RBFOX1: variants seen among roughly 807,000 people sequenced by gnomAD.
The protein encoded by RBFOX1 is RNA binding protein fox-1 homolog 1.
RBFOX1 carries 8 observed loss-of-function variants against 57.7 expected under a neutral mutation model. The observed-to-expected ratio is 0.14, with a 90% CI of 0.08 to 0.25. The LOEUF is 0.25. Ranked by LOEUF, RBFOX1 falls within the 10% of genes least tolerant of loss-of-function variation. The pLI is 1.00. For missense variants in RBFOX1, 611 were observed against 548.5 expected (o/e 1.11, Z -1.14); for synonymous variants, 326 against 222.4 (o/e 1.47, Z -4.15).
chr16:6,700,366 A>AG (rs1421573752), intron 3 of RBFOX1, among the ~76,000 whole-genome samples: 1 of 106,966 alleles, frequency 9.3e-6, no homozygotes, highest in African/African-American at 2.7e-5. Flanking sequence ...ACAAAAAAAA[A>AG]AAGAATTTTG....
chr16:5,780,359 C>G (rs557586121), intron 3 of RBFOX1, among the ~76,000 whole-genome samples: 2 of 152,054 alleles, frequency 1.3e-5, no homozygotes, highest in African/African-American at 2.4e-5. Context: ...CTTCTGGGTA[C>G]AGGAAAGGAT....
chr16:6,796,462 C>A (rs145967614), intron 3 of RBFOX1, among the ~76,000 whole-genome samples: 1 of 152,174 alleles, frequency 6.6e-6, no homozygotes, highest in Non-Finnish European at 1.5e-5. Context: ...GCCAAATCAA[C>A]ACTCTTCCAC....
chr16:7,093,643 C>G (rs2061229568), intron 4 of RBFOX1, among the ~76,000 whole-genome samples: 2 of 152,164 alleles, frequency 1.3e-5, no homozygotes. Flanking sequence ...TCATTTGTGA[C>G]TTACATCTTC....
chr16:6,285,764 G>C (rs114502945), intron 1 of RBFOX1, among the ~76,000 whole-genome samples: 2 of 152,138 alleles, frequency 1.3e-5, no homozygotes, highest in African/African-American at 4.8e-5. Flanking sequence ...ATTGTAGGTA[G>C]ACTCTGTTTC....
At position 6,488,192 on chromosome 16, in the gene RBFOX1, G is replaced by A. The variant is rs994281378; in HGVS notation, c.-63-166411G>A. Among the ~76,000 whole-genome samples, 5 of 152,160 alleles carry A rather than the reference G, an allele frequency of 3.3e-5. No homozygotes were observed. In the South Asian group the frequency reaches 1.0e-3, roughly 32 times the overall value. ...TTCCTTTGCTCTTCATGGTAATTCT[G>A]CATCTGCATTTGCCACAGTACTGTG... is the stretch of plus-strand genomic sequence containing the variant. On this transcript the variant is annotated intron_variant, in intron 2 of 15. Transcript: ENST00000550418.
At chr16:5,471,061 T>A (rs2069118117) in intron 2 of RBFOX1, among the ~76,000 whole-genome samples, 1 of 152,098 alleles carries the variant, frequency 6.6e-6, no homozygotes, top group Admixed American at 6.6e-5. Context: ...CTCAAACTCC[T>A]GACCTCAGGT....
At chr16:6,014,181 A>C (rs191298493), upstream of RBFOX1, among the ~76,000 whole-genome samples, 1 of 152,338 alleles carries the variant, frequency 6.6e-6, no homozygotes, top group African/African-American at 2.4e-5. Flanking sequence ...GAGATGATAC[A>C]ATCAAAGAGC....
intron 4 of RBFOX1, among the ~76,000 whole-genome samples, chr16:5,901,237 C>G (rs539059267): frequency 2.0e-5 from 3 of 152,302 alleles, no homozygotes; most frequent in South Asian, 2.1e-4. Context: ...TCCTCATCCC[C>G]CGTTCACGCG....
intron 1 of RBFOX1, among the ~76,000 whole-genome samples, chr16:6,029,893 C>G (rs1046528908): frequency 6.6e-6 from 1 of 151,732 alleles, no homozygotes; most frequent in East Asian, 1.9e-4. Context: ...ATTCAACTCT[C>G]TAATGTTATT....
intron 2 of RBFOX1, among the ~76,000 whole-genome samples, chr16:6,551,122 A>G (rs997682259): frequency 3.3e-5 from 5 of 152,054 alleles, no homozygotes; most frequent in Admixed American, 2.0e-4. Context: ...ACAGAGCTCA[A>G]CTCTCTGAGA....
intron 4 of RBFOX1, among the ~76,000 whole-genome samples, chr16:7,078,491 G>A (rs1400647227): frequency 1.3e-5 from 2 of 148,544 alleles, no homozygotes. Flanking sequence ...GGGATTATAG[G>A]TGCCTGCCAT....
At chr16:7,185,945 C>T (rs559836498) in intron 4 of RBFOX1, among the ~76,000 whole-genome samples, 4 of 152,272 alleles carry the variant, frequency 2.6e-5, no homozygotes, top group South Asian at 4.1e-4. Flanking sequence ...CCTTTCTCCC[C>T]GTCCTCTGAA....
intron 1 of RBFOX1, among the ~76,000 whole-genome samples, chr16:6,183,583 G>A (rs1001363411): frequency 2.0e-5 from 3 of 152,228 alleles, no homozygotes; most frequent in East Asian, 1.9e-4. Flanking sequence ...ATATGAGAGA[G>A]GGGTCTGGGA....
intron 4 of RBFOX1, among the ~76,000 whole-genome samples, chr16:7,057,505 T>C (rs2052721298): frequency 6.6e-6 from 1 of 152,166 alleles, no homozygotes; most frequent in African/African-American, 2.4e-5. Flanking sequence ...GTTGCATCGC[T>C]TTCCACCGGT....
In RBFOX1 at chr16:5,949,896, A is replaced by G. The variant is rs2059485988; in HGVS notation, c.351+82561A>G. Among the ~76,000 whole-genome samples the G allele has an allele frequency of 2.6e-5, 4 of 152,178 alleles. No individual in the cohort carries two copies. In the South Asian group the frequency reaches 8.3e-4, roughly 32 times the overall value. On this transcript the variant is annotated intron_variant, in intron 4 of 19. Transcript: ENST00000641259. ...AAGCTCAAGCTAGAGAGCTTCGGTC[A>G]TAGAGTGTCTGTCTCATAATCTGGG... is the stretch of plus-strand genomic sequence containing the variant.
chr16:5,682,649 G>C (rs1292242255), intron 3 of RBFOX1, among the ~76,000 whole-genome samples: 3 of 152,128 alleles, frequency 2.0e-5, no homozygotes, highest in Admixed American at 2.0e-4. Context: ...TAAGCAATTG[G>C]CCCAAAGTCT....
intron 4 of RBFOX1, among the ~76,000 whole-genome samples, chr16:5,883,168 C>A (rs750640965): frequency 3.1e-4 from 47 of 152,058 alleles, no homozygotes; most frequent in South Asian, 8.3e-4. Flanking sequence ...TTATACATCT[C>A]AGCTTCACTT....
intron 3 of RBFOX1, among the ~76,000 whole-genome samples, chr16:5,605,232 A>T (rs557945155): frequency 2.2e-4 from 33 of 152,164 alleles, no homozygotes; most frequent in Admixed American, 2.0e-3. Flanking sequence ...CTCTGATTCC[A>T]CCACCAACTC....
intron 2 of RBFOX1, among the ~76,000 whole-genome samples, chr16:6,422,210 C>G (rs1333729581): frequency 6.6e-6 from 1 of 151,218 alleles, no homozygotes; most frequent in Non-Finnish European, 1.5e-5. Flanking sequence ...GTGTGAGCCA[C>G]CACGCCCGAC....
Sources: allele counts gnomAD v4.1 joint callset (sites outside exome capture counted in the v4.1 genomes callset), GRCh38; gene constraint gnomAD v4.1.1; transcripts MANE v1.5; gene names NCBI Gene and HGNC (gene_info 2026-07-23, HGNC 2026-07-21).